Variants in DPP6 observed in about 807,000 individuals in gnomAD.
DPP6 encodes the protein dipeptidyl peptidase like 6, also known as A-type potassium channel modulatory protein DPP6.
DPP6 carries 69 observed loss-of-function variants against 122.6 expected under a neutral mutation model. The ratio of observed to expected loss-of-function variants is 0.56; its 90% CI spans 0.46 to 0.69. The LOEUF (loss-of-function observed/expected upper bound fraction) is 0.69. Ranked by LOEUF, DPP6 falls within the 30% of genes least tolerant of loss-of-function variation. The probability of loss-of-function intolerance (pLI) is 0.00; values close to 1 mark genes in which losing one functional copy is unlikely to be tolerated. For missense variants in DPP6, 928 were observed against 1,116.9 expected (o/e 0.83, Z 2.41); for synonymous variants, 418 against 433.1 (o/e 0.97, Z 0.43).
At position 154,276,356 on chromosome 7, in the gene DPP6, C is replaced by G. The variant is rs187880463; in HGVS notation, c.244-169858C>G. 7.9e-5 allele frequency among the ~76,000 whole-genome samples: 12 copies of G among 152,296 alleles called. 1 individual carries two copies. The East Asian group carries it at 2.1e-3, about 27-fold the overall frequency. ...CCGTAGGCCTCTCAATCATAAAATGCCTTAGAGTCACAGTGGGTGTGACAT... is the reference window on the plus strand; with the variant it reads ...CCGTAGGCCTCTCAATCATAAAATGGCTTAGAGTCACAGTGGGTGTGACAT... On this transcript the variant is annotated intron_variant, in intron 1 of 25. Coordinates refer to ENST00000377770, the MANE Select transcript of DPP6 (RefSeq NM_130797.4).
chr7:153,840,937 G>A, the DPP6 span, among the ~76,000 whole-genome samples: 1 of 152,290 alleles, frequency 6.6e-6, no homozygotes. Context: ...TGAAAGGCAA[G>A]CCTGAGGAGC....
At chr7:154,797,687 G>C (rs1043194271) in intron 12 of DPP6, among the ~76,000 whole-genome samples, 2 of 152,198 alleles carry the variant, frequency 1.3e-5, no homozygotes, top group Non-Finnish European at 2.9e-5. Flanking sequence ...TTTTGGGGTG[G>C]TGGAAATGTT....
chr7:154,518,660 T>C (rs1826729214), intron 3 of DPP6, among the ~76,000 whole-genome samples: 1 of 152,184 alleles, frequency 6.6e-6, no homozygotes, highest in Non-Finnish European at 1.5e-5. Context: ...AGTATTCCCA[T>C]AGGCCTTGTG....
At chr7:154,828,566 C>T (rs988601918) in intron 16 of DPP6, among the ~76,000 whole-genome samples, 5 of 152,218 alleles carry the variant, frequency 3.3e-5, no homozygotes, top group African/African-American at 1.2e-4. Flanking sequence ...CCATTTGAGA[C>T]ATTTTCATCT....
chr7:154,036,257 C>G (rs1230916338), intron 1 of DPP6, among the ~76,000 whole-genome samples: 2 of 144,952 alleles, frequency 1.4e-5, no homozygotes, highest in Non-Finnish European at 3.0e-5. Context: ...ATTACAGGTG[C>G]CCACCACCAC....
At chr7:154,553,953 G>T (rs1021432727) in intron 4 of DPP6, among the ~76,000 whole-genome samples, 4 of 149,332 alleles carry the variant, frequency 2.7e-5, no homozygotes, top group African/African-American at 9.9e-5. Flanking sequence ...CCTGGGGAAC[G>T]ATCTGTTTCA....
At chr7:154,333,599 A>G (rs1809143161) in intron 1 of DPP6, among the ~76,000 whole-genome samples, 1 of 152,238 alleles carries the variant, frequency 6.6e-6, no homozygotes, top group Non-Finnish European at 1.5e-5. Context: ...TCCATGGCTC[A>G]TATGTTGCTT....
At chr7:154,162,581 C>T (rs534909178) in intron 1 of DPP6, among the ~76,000 whole-genome samples, 15 of 152,268 alleles carry the variant, frequency 9.9e-5, no homozygotes, top group South Asian at 2.1e-4. Flanking sequence ...GAGTCAAACT[C>T]GACACCTGGA....
intron 1 of DPP6, among the ~76,000 whole-genome samples, chr7:153,955,841 G>A (rs768546872): frequency 3.0e-4 from 46 of 152,168 alleles, no homozygotes; most frequent in Non-Finnish European, 5.4e-4. Flanking sequence ...AACTCAGTAA[G>A]TATGATTTCA....
rs1185416675 is a variant in DPP6 at position 153,888,104 on chromosome 7, C to T, written c.51+370C>T. On this transcript the variant is annotated intron_variant, in intron 1 of 25. Coordinates refer to the DPP6 transcript ENST00000404039. ...GGGGAAACGCGGGGAGAGGTGGTCACTTCGGCCAGGGAAGGGCCACTGGGC... is the reference window on the plus strand; with the variant it reads ...GGGGAAACGCGGGGAGAGGTGGTCATTTCGGCCAGGGAAGGGCCACTGGGC... Among the ~76,000 whole-genome samples, 4 of 152,264 alleles carry T rather than the reference C, an allele frequency of 2.6e-5. No individual in the cohort carries two copies. The East Asian group carries it at 7.8e-4, about 30-fold the overall frequency.
rs767232668 is a variant in DPP6 at position 154,486,245 on chromosome 7, C to G, written c.457+11208C>G. Among the ~76,000 whole-genome samples, 1 of 151,986 alleles carries G rather than the reference C, an allele frequency of 6.6e-6. No homozygotes were observed. The highest frequency in any genetic ancestry group is 1.5e-5 in the Non-Finnish European group (1 of 67,982). ...GCCTCCCTGATTCAAGCGATTCTTC[C>G]GCTTCAGCCTCCTGAGTAGCTGGGA... is the stretch of plus-strand genomic sequence containing the variant. On this transcript the variant is annotated intron_variant, in intron 3 of 25. Coordinates refer to ENST00000377770, the MANE Select transcript of DPP6 (RefSeq NM_130797.4). This position sits in a 1 kb window ranked among gnomAD's most constrained non-coding sequence, Gnocchi z 4.5.
chr7:153,790,732 G>C, the DPP6 span, among the ~76,000 whole-genome samples: 1 of 152,174 alleles, frequency 6.6e-6, no homozygotes, highest in African/African-American at 2.4e-5. Flanking sequence ...TTGAAAACAT[G>C]ATCTGTCGTG....
At chr7:154,250,861 C>T (rs1250549927) in intron 1 of DPP6, among the ~76,000 whole-genome samples, 1 of 152,176 alleles carries the variant, frequency 6.6e-6, no homozygotes, top group South Asian at 2.1e-4. Flanking sequence ...GCTAGTCCAT[C>T]AGATCCAAAA....
chr7:154,346,380 C>T (rs1181904675), intron 1 of DPP6, among the ~76,000 whole-genome samples: 1 of 152,078 alleles, frequency 6.6e-6, no homozygotes, highest in Non-Finnish European at 1.5e-5. Flanking sequence ...AATCTCGGCT[C>T]ACTGCAACCT....
intron 1 of DPP6, among the ~76,000 whole-genome samples, chr7:154,209,039 T>C (rs1202743716): frequency 1.3e-5 from 2 of 152,210 alleles, no homozygotes; most frequent in Non-Finnish European, 2.9e-5. Flanking sequence ...AGCAGGAAGT[T>C]AGAGTTGTCA....
At chr7:154,159,137 A>G (rs1334014904) in intron 1 of DPP6, among the ~76,000 whole-genome samples, 2 of 152,054 alleles carry the variant, frequency 1.3e-5, no homozygotes, top group African/African-American at 2.4e-5. Flanking sequence ...CTTCCTGCAT[A>G]TTCACTTGCT....
chr7:153,856,982 A>C, the DPP6 span, among the ~76,000 whole-genome samples: 1 of 152,132 alleles, frequency 6.6e-6, no homozygotes, highest in Non-Finnish European at 1.5e-5. Context: ...TTTTTTCAAA[A>C]CGTCTGAATA....
At chr7:154,194,715 G>A (rs373387512) in intron 1 of DPP6, among the ~76,000 whole-genome samples, 1 of 152,184 alleles carries the variant, frequency 6.6e-6, no homozygotes, top group Non-Finnish European at 1.5e-5. Context: ...GTTCGCACTT[G>A]CCTAGTGAGA....
chr7:154,628,265 T>C (rs761790838), intron 5 of DPP6, among the ~76,000 whole-genome samples: 2 of 152,226 alleles, frequency 1.3e-5, no homozygotes, highest in Non-Finnish European at 2.9e-5. Flanking sequence ...TTCCTTCTAA[T>C]GTGTACTTGT....
Sources: gnomAD v4.1 joint callset for allele counts (sites outside exome capture counted in the v4.1 genomes callset) on GRCh38, gnomAD v4.1.1 for gene constraint, Gnocchi (gnomAD v3.1) non-coding constraint, MANE v1.5 for transcripts, NCBI Gene and HGNC (gene_info 2026-07-23, HGNC 2026-07-21) for gene names.